SPNS2: variants seen among roughly 807,000 people sequenced by gnomAD.
SPNS2 encodes the protein sphingosine-1-phosphate transporter SPNS2.
A neutral mutation model predicts 57.6 loss-of-function variants in SPNS2; 37 were observed. The observed-to-expected ratio is 0.64, with a 90% CI of 0.49 to 0.85. The LOEUF is 0.85. Ranked by LOEUF, SPNS2 falls within the 40% of genes least tolerant of loss-of-function variation. The probability of loss-of-function intolerance (pLI) is 0.00; values close to 1 mark genes in which losing one functional copy is unlikely to be tolerated. For synonymous variants in SPNS2, 440 were observed against 346.9 expected, an observed-to-expected ratio of 1.27 and a Z score of -2.98; for missense variants, 831 against 779.1, an observed-to-expected ratio of 1.07 and a Z score of -0.79.
chr17:4,524,598 T>C (rs1455368863), intron 2 of SPNS2, among the ~76,000 whole-genome samples: 1 of 152,140 alleles, frequency 6.6e-6, no homozygotes, highest in East Asian at 1.9e-4. Context: ...GCATAAGAAT[T>C]GCTTGAACCC....
intron 1 of SPNS2, among the ~76,000 whole-genome samples, chr17:4,503,311 G>C (rs539804119): frequency 6.6e-6 from 1 of 152,348 alleles, no homozygotes; most frequent in South Asian, 2.1e-4. Context: ...ATGAATTTCA[G>C]TTTAATTGAG....
rs982856047 is a variant in SPNS2 at position 4,499,186 on chromosome 17, G to T, written c.139G>T (p.Gly47Cys). 1.4e-5 allele frequency: 17 copies of T among 1,255,328 alleles called. No homozygotes were observed. Among genetic ancestry groups the T allele is most frequent in the Non-Finnish European group, 1.3e-5 (13 of 1,001,764 alleles). The allele number at this position is 1,255,328 out of a possible 1,614,324, so 77.8% of individuals were successfully genotyped here. A position where few individuals can be genotyped will look rare whatever the true frequency, so the allele number is the denominator to read the frequency against. ...SGCCGARGAG[G>C]AGVSAAGDEV... is the part of the protein sequence containing the mutation. ...TTGCTGCGGGGCGCGGGGCGCGGGCGGCGCTGGAGTCTCGGCCGCGGGCGA... is the reference window on the plus strand; with the variant it reads ...TTGCTGCGGGGCGCGGGGCGCGGGCTGCGCTGGAGTCTCGGCCGCGGGCGA... The change falls in exon 1 of 13, where the codon GGC (glycine) becomes TGC (cysteine). Residue 47 changes from glycine (G) to cysteine (C), a missense_variant. Gly to Cys is a radical substitution (Grantham distance 159). Coordinates refer to ENST00000329078, the MANE Select transcript of SPNS2 (RefSeq NM_001124758.3). This position sits in a 1 kb window ranked among gnomAD's most constrained non-coding sequence, Gnocchi z 5.2.
rs1037134758 is a variant in SPNS2, at chr17:4,538,673, C to T, written c.*1225C>T. The T allele has an allele frequency of 3.6e-6, 2 of 548,948 alleles. No individual in the cohort carries two copies. The highest frequency in any genetic ancestry group is 6.5e-6 in the Non-Finnish European group (2 of 308,880). 34.0% of individuals were successfully genotyped at this position (548,948 alleles called of 1,614,324 possible). On this transcript the variant is annotated 3_prime_UTR_variant, in exon 13 of 13. Transcript: ENST00000329078. The stretch of plus-strand genomic sequence containing the variant: ...GCCTTGTGGCCAATGGGGGACCCCC[C>T]AAGAGCCAGCTTGGACAATGCTCTT...
intron 1 of SPNS2, among the ~76,000 whole-genome samples, chr17:4,503,352 T>C (rs2144302526): frequency 6.6e-6 from 1 of 152,322 alleles, no homozygotes; most frequent in East Asian, 1.9e-4. Context: ...CTAGGGCACA[T>C]GGCTCCTGCT....
In SPNS2 at chr17:4,499,929, G is replaced by A. The variant is rs577338736; in HGVS notation, c.370+512G>A. Among the ~76,000 whole-genome samples, 6 of 152,302 alleles carry A rather than the reference G, an allele frequency of 3.9e-5. No individual in the cohort carries two copies. In the South Asian group the frequency reaches 1.2e-3, roughly 32 times the overall value. ...TTGCGGGTGTGCGCTAGGGAGACCG[G>A]GTGTGTGTGCGCGTGGCGGCGCGGT... On this transcript the variant is annotated intron_variant, in intron 1 of 12. Transcript: ENST00000329078. The surrounding 1 kb of genome is among the most constrained non-coding windows in gnomAD (Gnocchi z 5.2).
chr17:4,528,645 T>A (rs11655716), intron 3 of SPNS2, among the ~76,000 whole-genome samples: 4 of 151,804 alleles, frequency 2.6e-5, no homozygotes, highest in African/African-American at 4.8e-5. Flanking sequence ...CCCAGCTAAT[T>A]TTTGTATTTT....
chr17:4,524,509 AC>A (rs1195760421), intron 2 of SPNS2, among the ~76,000 whole-genome samples: 1 of 152,014 alleles, frequency 6.6e-6, no homozygotes, highest in Non-Finnish European at 1.5e-5. Context: ...ACATGGCAAA[AC>A]CCCATCTCTA....
intron 9 of SPNS2, among the ~76,000 whole-genome samples, chr17:4,535,571 C>T (rs1379986052): frequency 6.6e-6 from 1 of 152,188 alleles, no homozygotes; most frequent in East Asian, 1.9e-4. Context: ...GAGGCAGCAG[C>T]ATGGCCGTTC....
At position 4,510,092 on chromosome 17, in the gene SPNS2, C is replaced by T. The variant is rs531506462; in HGVS notation, c.371-3155C>T. ...CCGAGCTGCTGTGACACACGCTTCCCGTGCCAGCGGCCAGCGGGATCTCAC... is the reference window on the plus strand; with the variant it reads ...CCGAGCTGCTGTGACACACGCTTCCTGTGCCAGCGGCCAGCGGGATCTCAC... On this transcript the variant is annotated intron_variant, in intron 1 of 12. Coordinates refer to ENST00000329078, the MANE Select transcript of SPNS2 (RefSeq NM_001124758.3). The surrounding 1 kb of genome is among the most constrained non-coding windows in gnomAD (Gnocchi z 4.4). 2.6e-5 allele frequency among the ~76,000 whole-genome samples: 4 copies of T among 152,250 alleles called. No individual in the cohort carries two copies. Among genetic ancestry groups the T allele is most frequent in the Admixed American group, 1.3e-4 (2 of 15,290 alleles).
At chr17:4,529,501 C>T (rs1365586694) in intron 3 of SPNS2, among the ~76,000 whole-genome samples, 4 of 152,118 alleles carry the variant, frequency 2.6e-5, no homozygotes, top group South Asian at 2.1e-4. Context: ...GGCAAAACCC[C>T]GTCTCTACAA....
At position 4,538,204 on chromosome 17, in the gene SPNS2, G is replaced by A. The variant is rs1479360186; in HGVS notation, c.*756G>A. 6 of 235,408 alleles carry A rather than the reference G, an allele frequency of 2.5e-5. No homozygotes were observed. Among genetic ancestry groups the A allele is most frequent in the South Asian group, 1.2e-4 (2 of 16,690 alleles). The allele number at this position is 235,408 out of a possible 1,614,324, so 14.6% of individuals were successfully genotyped here. On this transcript the variant is annotated 3_prime_UTR_variant, in exon 13 of 13. Coordinates refer to ENST00000329078, the MANE Select transcript of SPNS2 (RefSeq NM_001124758.3). ...CCCAGGCTCAAGGTCTCTGGCAGGT[G>A]CACACCAGCCCAACTCTGCAGGGCT...
chr17:4,507,939 T>C (rs998717645), intron 1 of SPNS2, among the ~76,000 whole-genome samples: 2 of 152,162 alleles, frequency 1.3e-5, no homozygotes, highest in Admixed American at 6.5e-5. Flanking sequence ...TGTCAGCAGA[T>C]TGGGCCTGGC....
chr17:4,536,940 T>G lies in SPNS2; in HGVS notation c.1648T>G (p.Ter550GlyextTer38). The change falls in exon 12 of 13, where the codon TGA becomes GGA. Residue 550 changes from the stop codon to glycine, a stop_lost. Coordinates refer to ENST00000329078, the MANE Select transcript of SPNS2 (RefSeq NM_001124758.3). ...LAMPPASVKV[*>G] ...GATGCCGCCCGCATCTGTGAAAGTC[T>G]GAGGTGGTGAGTGCAGGCCGGGAGG... The G allele has an allele frequency of 6.2e-7, 1 of 1,613,476 alleles. No homozygotes were observed. Among genetic ancestry groups the G allele is most frequent in the African/African-American group, 1.3e-5 (1 of 75,018 alleles).
At chr17:4,532,729 T>C in intron 6 of SPNS2, 45 bp downstream of exon 6, 1 of 1,595,876 alleles carries the variant, frequency 6.3e-7, no homozygotes, top group South Asian at 1.1e-5. Flanking sequence ...AGAGGGGTGC[T>C]GAGATGAGAG....
At chr17:4,500,774 T>G (rs893036028) in intron 1 of SPNS2, among the ~76,000 whole-genome samples, 3 of 152,066 alleles carry the variant, frequency 2.0e-5, no homozygotes, top group African/African-American at 7.2e-5. Context: ...AGGGAAGAAT[T>G]CTGATGGGAG....
intron 2 of SPNS2, among the ~76,000 whole-genome samples, chr17:4,518,942 A>G (rs1905068477): frequency 6.6e-6 from 1 of 152,206 alleles, no homozygotes; most frequent in Non-Finnish European, 1.5e-5. Context: ...CATCCTGAGT[A>G]GGGGATCACA....
At chr17:4,514,986 C>A (rs1232373313) in intron 2 of SPNS2, among the ~76,000 whole-genome samples, 1 of 152,218 alleles carries the variant, frequency 6.6e-6, no homozygotes. Context: ...CAAGGCTCTA[C>A]CCCACGCATC....
chr17:4,536,158 C>G lies in SPNS2; in HGVS notation c.1427C>G (p.Pro476Arg). 6.2e-7 allele frequency: 1 copy of G among 1,612,366 alleles called. No individual in the cohort carries two copies. Among genetic ancestry groups the G allele is most frequent in the Non-Finnish European group, 8.5e-7 (1 of 1,179,796 alleles). The change falls in exon 10 of 13, where the codon CCC becomes CGC. Residue 476 changes from proline to arginine, a missense_variant. Pro to Arg is a moderately radical substitution (Grantham distance 103, BLOSUM62 -2). Around this residue, in one of 2 missense-constraint regions of SPNS2, gnomAD observed 526 missense variants for 400.9 expected, o/e 1.31. Transcript: ENST00000329078. ...TSHLLGDAGS[P>R]YLIGFISDLI... ...CACCTGCTGGGGGACGCCGGGAGCC[C>G]CTACCTCATTGGCTTTGTGAGTAGC...
chr17:4,532,770 C>T, intron 6 of SPNS2, 86 bp downstream of exon 6: 2 of 1,521,662 alleles, frequency 1.3e-6, no homozygotes, highest in Non-Finnish European at 8.9e-7. Context: ...CCCACTAGCA[C>T]CCTCAGCCAG....
Sources: allele counts gnomAD v4.1 joint callset (sites outside exome capture counted in the v4.1 genomes callset), GRCh38; gene constraint gnomAD v4.1.1; regional missense constraint gnomAD v4.1.1; non-coding constraint Gnocchi (gnomAD v3.1); transcripts MANE v1.5; gene names NCBI Gene and HGNC (gene_info 2026-07-23, HGNC 2026-07-21).